The following PPM1A variants were observed in gnomAD, a reference collection of about 807,000 sequenced individuals.
The protein encoded by PPM1A is protein phosphatase 1A.
Under a neutral mutation model 35.0 loss-of-function variants are expected in PPM1A, and 7 were observed. The observed-to-expected ratio is 0.20, with a 90% CI of 0.11 to 0.38. PPM1A has a LOEUF of 0.38. Ranked by LOEUF, PPM1A falls within the 10% of genes least tolerant of loss-of-function variation. PPM1A has a pLI of 1.00. For synonymous variants in PPM1A, 153 were observed against 167.3 expected (o/e 0.91, Z 0.66); for missense variants, 239 against 467.8 (o/e 0.51, Z 4.51).
chr14:60,291,994 G>A (rs558325272), intron 5 of PPM1A, among the ~76,000 whole-genome samples: 23 of 152,072 alleles, frequency 1.5e-4, no homozygotes, highest in African/African-American at 3.1e-4. Context: ...TTGCAATTCT[G>A]TTGTATGATG....
intron 2 of PPM1A, among the ~76,000 whole-genome samples, chr14:60,284,690 T>G (rs1220829320): frequency 1.7e-5 from 2 of 115,492 alleles, no homozygotes; most frequent in Non-Finnish European, 3.3e-5. Context: ...TATGTATATA[T>G]ATATATATGT....
In PPM1A at chr14:60,249,620, G is replaced by A. The variant is rs1249046745; in HGVS notation, c.-78G>A. The A allele has an allele frequency of 1.0e-5, 10 of 982,864 alleles. No homozygotes were observed. In the East Asian group the frequency reaches 7.3e-4, roughly 72 times the overall value. The allele number at this position is 982,864 out of a possible 1,614,324, so 60.9% of individuals were successfully genotyped here. Reference sequence around the variant, plus strand: ...TCGCCGCCGCGGTGACCCCCTCCCCGGCTGCCGCCGCCGCCGCCTCGGCCG... The same window carrying A: ...TCGCCGCCGCGGTGACCCCCTCCCCAGCTGCCGCCGCCGCCGCCTCGGCCG... On this transcript the variant is annotated 5_prime_UTR_variant, in exon 1 of 6. Coordinates refer to ENST00000395076, the MANE Select transcript of PPM1A (RefSeq NM_021003.5). This position sits in a 1 kb window ranked among gnomAD's most constrained non-coding sequence, Gnocchi z 4.5.
chr14:60,255,742 G>A (rs1463287025), intron 1 of PPM1A, among the ~76,000 whole-genome samples: 1 of 152,182 alleles, frequency 6.6e-6, no homozygotes, highest in African/African-American at 2.4e-5. Context: ...TCTGAACCTG[G>A]ATATTTAAGT....
rs1331551021 is a variant in PPM1A at position 60,297,609 on chromosome 14, GTCC to G, written c.*5132_*5134del. On this transcript the variant is annotated 3_prime_UTR_variant, in exon 6 of 6. Transcript: ENST00000395076. Reference sequence around the variant, plus strand: ...AGAGTTTTTCTTTTTCTTTTACATAGTCCTCCTGATCCAGTATAAGACTATTTA... The same window carrying G: ...AGAGTTTTTCTTTTTCTTTTACATAGTCCTGATCCAGTATAAGACTATTTA... 1 of 151,534 alleles carries G rather than the reference GTCC, an allele frequency of 6.6e-6. No individual in the cohort carries two copies. Among genetic ancestry groups the G allele is most frequent in the East Asian group, 1.9e-4 (1 of 5,192 alleles). 9.4% of individuals were successfully genotyped at this position (151,534 alleles called of 1,614,324 possible). A position where few individuals can be genotyped will look rare whatever the true frequency, so the allele number is the denominator to read the frequency against.
rs1885418962 is a variant in PPM1A at position 60,273,651 on chromosome 14, G to C, written c.-20-9033G>C. On this transcript the variant is annotated intron_variant, in intron 1 of 5. Transcript: ENST00000395076. This position sits in a 1 kb window ranked among gnomAD's most constrained non-coding sequence, Gnocchi z 4.3. The stretch of plus-strand genomic sequence containing the variant: ...TGGAGAATGAATTAGAGGGATGCCA[G>C]GATCCACGTGAAGAGACTAAAGACG... Among the ~76,000 whole-genome samples the C allele has an allele frequency of 6.6e-6, 1 of 152,184 alleles. No homozygotes were observed. Among genetic ancestry groups the C allele is most frequent in the Admixed American group, 6.5e-5 (1 of 15,280 alleles).
intron 1 of PPM1A, among the ~76,000 whole-genome samples, chr14:60,278,311 C>T (rs1016175857): frequency 4.1e-5 from 6 of 147,958 alleles, no homozygotes; most frequent in Non-Finnish European, 5.9e-5. Flanking sequence ...TCATGGTTTG[C>T]GGTTTGCTTT....
chr14:60,270,133 A>G (rs555370403), intron 1 of PPM1A, among the ~76,000 whole-genome samples: 5 of 152,176 alleles, frequency 3.3e-5, no homozygotes, highest in East Asian at 3.9e-4. Flanking sequence ...GCTTACTTGC[A>G]TACTGGATGA....
chr14:60,265,716 C>T (rs903834237), intron 1 of PPM1A, among the ~76,000 whole-genome samples: 10 of 152,208 alleles, frequency 6.6e-5, no homozygotes, highest in East Asian at 5.8e-4. Flanking sequence ...TGAGGGGCTG[C>T]GTCTGGTGAG....
chr14:60,287,736 G>A, intron 3 of PPM1A: 1 of 984,258 alleles, frequency 1.0e-6, no homozygotes. Context: ...ACTCTCTGGG[G>A]GTGTGAAAAG....
upstream of PPM1A, among the ~76,000 whole-genome samples, chr14:60,248,214 C>T (rs1335505721): frequency 5.3e-5 from 8 of 152,142 alleles, no homozygotes; most frequent in Non-Finnish European, 1.2e-4. Context: ...GGATTTTGGC[C>T]GCTGGCACGT....
At chr14:60,247,587 G>A (rs1881867238), upstream of PPM1A, among the ~76,000 whole-genome samples, 1 of 128,894 alleles carries the variant, frequency 7.8e-6, no homozygotes, top group African/African-American at 3.1e-5. Flanking sequence ...CCGAGATTGT[G>A]CCACTGTACT....
Position 60,292,493 on chromosome 14 carries a change from C to T in PPM1A, c.*11C>T, listed in dbSNP as rs988464360. The T allele has an allele frequency of 6.3e-7, 1 of 1,593,932 alleles. No homozygotes were observed. The highest frequency in any genetic ancestry group is 2.2e-5 in the East Asian group (1 of 44,720). On this transcript the variant is annotated 3_prime_UTR_variant, in exon 6 of 6. Coordinates refer to ENST00000395076, the MANE Select transcript of PPM1A (RefSeq NM_021003.5). The surrounding 1 kb of genome is among the most constrained non-coding windows in gnomAD (Gnocchi z 4.2). ...GATGATATGTGGTAAAACTGCTCAT[C>T]TAGCCATGGAGTTTACCTTCACCTC...
chr14:60,264,363 CTTTA>C (rs1344395146), intron 1 of PPM1A, among the ~76,000 whole-genome samples: 2 of 151,416 alleles, frequency 1.3e-5, no homozygotes, highest in Admixed American at 1.3e-4. Context: ...GATTTCTTTT[CTTTA>C]TTCTGTCACC....
At chr14:60,262,243 A>G (rs1476575074) in intron 1 of PPM1A, among the ~76,000 whole-genome samples, 5 of 152,186 alleles carry the variant, frequency 3.3e-5, no homozygotes, top group African/African-American at 4.8e-5. Context: ...TGTTTTATAG[A>G]TGATCTGTAT....
intron 1 of PPM1A, among the ~76,000 whole-genome samples, chr14:60,272,782 T>TA (rs1885317878): frequency 1.3e-5 from 2 of 151,700 alleles, no homozygotes; most frequent in South Asian, 2.1e-4. Context: ...AGTTTGGTGA[T>TA]ACGTTATTCT....
chr14:60,259,762 T>A (rs1269492521), intron 1 of PPM1A, among the ~76,000 whole-genome samples: 1 of 152,086 alleles, frequency 6.6e-6, no homozygotes, highest in Non-Finnish European at 1.5e-5. Flanking sequence ...GTACTATAAT[T>A]GTAGTGAAAA....
chr14:60,257,266 A>G lies in PPM1A; in HGVS notation c.-21+7589A>G, dbSNP rs1883240465. ...AACACAAGCTAGCTGAGTTTACAATAGAGATTATACTATAAATGGTAACTT... is the reference window on the plus strand; with the variant it reads ...AACACAAGCTAGCTGAGTTTACAATGGAGATTATACTATAAATGGTAACTT... On this transcript the variant is annotated intron_variant, in intron 1 of 5. Transcript: ENST00000395076. Among the ~76,000 whole-genome samples the G allele has an allele frequency of 3.3e-5, 5 of 152,352 alleles. No homozygotes were observed. The South Asian group carries it at 1.0e-3, about 32-fold the overall frequency.
chr14:60,246,142 T>A, upstream of PPM1A: 3 of 1,108,836 alleles, frequency 2.7e-6, no homozygotes, highest in Non-Finnish European at 3.8e-6. Context: ...TGGTGAGGGG[T>A]ATTCTCAAAT....
At chr14:60,248,941 G>C (rs1442168500), upstream of PPM1A, among the ~76,000 whole-genome samples, 2 of 152,186 alleles carry the variant, frequency 1.3e-5, no homozygotes, top group African/African-American at 2.4e-5. Flanking sequence ...CCGGGATCCG[G>C]ACGCTCCCTT....
Sources: gnomAD v4.1 joint callset for allele counts (sites outside exome capture counted in the v4.1 genomes callset) on GRCh38, gnomAD v4.1.1 for gene constraint, Gnocchi (gnomAD v3.1) non-coding constraint, MANE v1.5 for transcripts, NCBI Gene and HGNC (gene_info 2026-07-23, HGNC 2026-07-21) for gene names.